ZNF500: variants seen among roughly 807,000 people sequenced by gnomAD.
ZNF500 encodes the protein zinc finger protein 500.
ZNF500 carries 31 observed loss-of-function variants against 30.1 expected under a neutral mutation model. The observed-to-expected ratio is 1.03, with a 90% CI of 0.77 to 1.39. The LOEUF is 1.39. Ranked by LOEUF, ZNF500 falls within the 40% of genes most tolerant of loss-of-function variation. ZNF500 has a pLI of 0.00. For synonymous variants in ZNF500, 392 were observed against 282.0 expected (o/e 1.39, Z -3.91); for missense variants, 817 against 657.8 (o/e 1.24, Z -2.65).
rs992313182 is a variant in ZNF500 at position 4,750,169 on chromosome 16, C to G, written c.*2207G>C. 6.6e-6 allele frequency: 1 copy of G among 152,556 alleles called. No homozygotes were observed. Among genetic ancestry groups the G allele is most frequent in the Non-Finnish European group, 1.5e-5 (1 of 68,328 alleles). The allele number at this position is 152,556 out of a possible 1,614,324, so 9.5% of individuals were successfully genotyped here. On this transcript the variant is annotated 3_prime_UTR_variant, in exon 6 of 6. Transcript: ENST00000219478. The stretch of plus-strand genomic sequence containing the variant: ...TCAGCAACGCTGGGTGCTTTGCTAG[C>G]TCCTGGAGTGTGGCCTGGCCACATC...
chr16:4,764,791 G>GAAAAAAAAAAAAAAAAAAAAAAA (rs34386241), intron 2 of ZNF500, among the ~76,000 whole-genome samples: 1 of 131,962 alleles, frequency 7.6e-6, no homozygotes, highest in Non-Finnish European at 1.6e-5. Context: ...CAAAAAAAAA[G>GAAAAAAAAAAAAAAAAAAAAAAA]AAAAAAAAAA....
At chr16:4,748,091 T>C (rs990303741), downstream of ZNF500, 4 of 154,892 alleles carry the variant, frequency 2.6e-5, no homozygotes, top group African/African-American at 9.6e-5. Flanking sequence ...GCATACTTGC[T>C]ATTTTGGGCA....
downstream of ZNF500, chr16:4,747,641 G>C (rs1381291150): frequency 2.0e-5 from 32 of 1,592,442 alleles, no homozygotes; most frequent in Admixed American, 5.1e-5. Context: ...TCAGGTAGTG[G>C]GATCCCAGGA....
At chr16:4,746,858 C>T (rs1281410239), downstream of ZNF500, 1 of 1,395,074 alleles carries the variant, frequency 7.2e-7, no homozygotes, top group Non-Finnish European at 9.6e-7. Context: ...CCGAGTGCTT[C>T]AAGCCCCAAC....
chr16:4,752,676 G>T lies in ZNF500; in HGVS notation c.1143C>A (p.Tyr381Ter). 6.2e-7 allele frequency: 1 copy of T among 1,613,988 alleles called. No individual in the cohort carries two copies. The highest frequency in any genetic ancestry group is 8.5e-7 in the Non-Finnish European group (1 of 1,179,982). Residue 381 changes from tyrosine to a stop codon, truncating the protein, a stop_gained, in exon 6 of 6, where the codon TAC becomes TAA. Coordinates refer to ENST00000219478, the MANE Select transcript of ZNF500 (RefSeq NM_021646.4). LOFTEE classifies it low-confidence loss of function (END_TRUNC). Reference sequence around the variant, plus strand: ...AGCGCTTCCCACACTCGGGGCACGGGTAGGGCTTCTCGCCTGTGTGCACCC... The same window carrying T: ...AGCGCTTCCCACACTCGGGGCACGGTTAGGGCTTCTCGCCTGTGTGCACCC... Reference protein sequence around the residue: ...HQRVHTGEKPYPCPECGKRFS... With the variant: ...HQRVHTGEKP
chr16:4,747,432 C>A, downstream of ZNF500: 1 of 1,613,066 alleles, frequency 6.2e-7, no homozygotes, highest in Non-Finnish European at 8.5e-7. Context: ...AGCAAGGGGC[C>A]CGCGGGTGGG....
intron 2 of ZNF500, among the ~76,000 whole-genome samples, chr16:4,764,844 C>T (rs563016101): frequency 1.7e-3 from 261 of 151,186 alleles, no homozygotes; most frequent in Non-Finnish European, 3.2e-3. Context: ...TAAAAAGCTA[C>T]ATGTGGCTGG....
At chr16:4,746,946 G>A, downstream of ZNF500, 2 of 1,562,776 alleles carry the variant, frequency 1.3e-6, no homozygotes, top group East Asian at 2.4e-5. Flanking sequence ...CAGCTCCTCT[G>A]ACAGTGAGGA....
chr16:4,744,479 T>C (rs1262331334), downstream of ZNF500, among the ~76,000 whole-genome samples: 2 of 151,806 alleles, frequency 1.3e-5, no homozygotes, highest in Non-Finnish European at 2.9e-5. Flanking sequence ...GCATGTAATA[T>C]ACAAAGTGAA....
rs924339293 is a variant in ZNF500 at position 4,760,476 on chromosome 16, A to G, written c.760+16T>C. ...TTTGGCAAGCCCCCTAGAGGACACA[A>G]TCACTTGCAAGTTACCTTCATTCTC... On this transcript the variant is annotated intron_variant, in intron 5 of 5. Transcript: ENST00000219478. 8 of 1,612,246 alleles carry G rather than the reference A, an allele frequency of 5.0e-6. No homozygotes were observed. Among genetic ancestry groups the G allele is most frequent in the Admixed American group, 1.7e-5 (1 of 59,788 alleles).
At chr16:4,761,103 A>G (rs1319819779) in intron 4 of ZNF500, among the ~76,000 whole-genome samples, 1 of 151,822 alleles carries the variant, frequency 6.6e-6, no homozygotes, top group Non-Finnish European at 1.5e-5. Flanking sequence ...ACAGGTAGAG[A>G]CTCTGGTAAT....
chr16:4,766,007 G>T lies in ZNF500; in HGVS notation c.-29C>A. The T allele has an allele frequency of 6.6e-7, 1 of 1,522,890 alleles. No individual in the cohort carries two copies. Among genetic ancestry groups the T allele is most frequent in the Non-Finnish European group, 8.8e-7 (1 of 1,142,598 alleles). The allele number at this position is 1,522,890 out of a possible 1,614,324, so 94.3% of individuals were successfully genotyped here. On this transcript the variant is annotated 5_prime_UTR_variant, in exon 2 of 6. In the 5' UTR this introduces an upstream ATG that the reference lacks. Coordinates refer to ENST00000219478, the MANE Select transcript of ZNF500 (RefSeq NM_021646.4). ...TTCCGGTGGGCCTTGTTCCTTTTCA[G>T]GCCTTAGAGTTGAACCTGTCTCTCT... is the stretch of plus-strand genomic sequence containing the variant.
In ZNF500 at chr16:4,766,091, T is replaced by TA; in HGVS notation, c.-98-16dup. 7.6e-7 allele frequency: 1 copy of TA among 1,317,090 alleles called. No homozygotes were observed. The highest frequency in any genetic ancestry group is 1.0e-6 in the Non-Finnish European group (1 of 993,360). The allele number at this position is 1,317,090 out of a possible 1,614,324, so 81.6% of individuals were successfully genotyped here. A position where few individuals can be genotyped will look rare whatever the true frequency, so the allele number is the denominator to read the frequency against. On this transcript the variant is annotated splice_polypyrimidine_tract_variant and intron_variant, in intron 1 of 5. Transcript: ENST00000219478. Reference sequence around the variant, plus strand: ...TTTTCAGGGCCCTGTGGAGAGACGATAAAACCATCTGAAGGGCAGCCCTGG... The same window carrying TA: ...TTTTCAGGGCCCTGTGGAGAGACGATAAAAACCATCTGAAGGGCAGCCCTGG...
rs746949702 is a variant in ZNF500 at position 4,765,656 on chromosome 16, G to A, written c.323C>T (p.Ala108Val). 96 of 1,613,532 alleles carry A rather than the reference G, an allele frequency of 5.9e-5. No homozygotes were observed. In the East Asian group the frequency reaches 1.2e-3, roughly 19 times the overall value. ...CTCCGGCTGCTGCTCGCGTACCCGA[G>A]CCTGGATCTCCCCCGGCAGCACAGT... ...FLTVLPGEIQ[A>V]RVREQQPESG... is the part of the protein sequence containing the mutation. The change falls in exon 2 of 6, where the codon GCT (alanine) becomes GTT (valine). Residue 108 changes from alanine to valine, a missense_variant. Ala to Val is a moderately conservative substitution (Grantham distance 64). Transcript: ENST00000219478.
intron 4 of ZNF500, 94 bp downstream of exon 4, chr16:4,762,177 C>T (rs946247295): frequency 1.3e-5 from 19 of 1,410,302 alleles, no homozygotes; most frequent in Non-Finnish European, 1.7e-5. Context: ...AAAACCTTGG[C>T]CCCCAGGAGA....
rs1474218123 is a variant in ZNF500, at chr16:4,765,820, G to C, written c.159C>G (p.Phe53Leu). 17 of 1,613,486 alleles carry C rather than the reference G, an allele frequency of 1.1e-5. No individual in the cohort carries two copies. The highest frequency in any genetic ancestry group is 1.3e-5 in the Non-Finnish European group (15 of 1,179,992). The part of the protein sequence containing the change: ...DPSPETFRQL[F>L]RLFCYQEVAG... ...CCACCTCCTGGTAGCAGAAGAGCCG[G>C]AAGAGCTGGCGGAAAGTCTCAGGGC... is the stretch of plus-strand genomic sequence containing the variant. The change falls in exon 2 of 6, where the codon TTC becomes TTG. Residue 53 changes from phenylalanine to leucine, a missense_variant. Coordinates refer to ENST00000219478, the MANE Select transcript of ZNF500 (RefSeq NM_021646.4).
At chr16:4,757,492 G>C (rs1596499302) in intron 5 of ZNF500, among the ~76,000 whole-genome samples, 1 of 152,122 alleles carries the variant, frequency 6.6e-6, no homozygotes, top group African/African-American at 2.4e-5. Context: ...TAGAGACAAG[G>C]CTTCTCCATA....
At chr16:4,753,312 A>G (rs1041602252) in intron 5 of ZNF500, 120 of 577,012 alleles carry the variant, frequency 2.1e-4, no homozygotes, top group Middle Eastern at 4.9e-4. Context: ...AATAAACAAA[A>G]CTAGCTGGGC....
intron 2 of ZNF500, chr16:4,763,856 G>A: frequency 2.0e-6 from 2 of 985,448 alleles, no homozygotes; most frequent in South Asian, 4.7e-5. Flanking sequence ...AGCATTAGGG[G>A]ATGTGCCTCC....
Sources: gnomAD v4.1 joint callset for allele counts (sites outside exome capture counted in the v4.1 genomes callset) on GRCh38, gnomAD v4.1.1 for gene constraint, MANE v1.5 for transcripts, NCBI Gene and HGNC (gene_info 2026-07-23, HGNC 2026-07-21) for gene names.